The following GNAO1 variants were observed in gnomAD, a reference collection of about 807,000 sequenced individuals.
The protein encoded by GNAO1 is guanine nucleotide-binding protein G(o) subunit alpha.
For missense variants in GNAO1, 166 were observed against 478.7 expected, an observed-to-expected ratio of 0.35 and a Z score of 6.10; for synonymous variants, 164 against 180.7, an observed-to-expected ratio of 0.91 and a Z score of 0.74.
At chr16:56,282,585 A>G (rs540585796) in intron 3 of GNAO1, among the ~76,000 whole-genome samples, 1 of 152,376 alleles carries the variant, frequency 6.6e-6, no homozygotes, top group African/African-American at 2.4e-5. Flanking sequence ...CAACAAGACA[A>G]AAGACTGCGT....
intron 2 of GNAO1, among the ~76,000 whole-genome samples, chr16:56,256,836 G>T (rs549354298): frequency 6.6e-6 from 1 of 150,840 alleles, no homozygotes; most frequent in African/African-American, 2.4e-5. Context: ...TCTTTGTCTA[G>T]TTGAATCTGA....
At position 56,315,613 on chromosome 16, in the gene GNAO1, G is replaced by A. The variant is rs576008106; in HGVS notation, c.304-13018G>A. On this transcript the variant is annotated intron_variant, in intron 3 of 8. Transcript: ENST00000262493. Reference sequence around the variant, plus strand: ...GGGCACCAAGACAAAGAGGCACCACGTAAGGCTGTCCCAGAGGGGCAGTGG... The same window carrying A: ...GGGCACCAAGACAAAGAGGCACCACATAAGGCTGTCCCAGAGGGGCAGTGG... Among the ~76,000 whole-genome samples the A allele has an allele frequency of 2.6e-3, 398 of 152,274 alleles. 1 individual carries two copies. The highest frequency in any genetic ancestry group is 4.4e-3 in the Non-Finnish European group (300 of 68,032).
At chr16:56,321,285 A>C (rs563914959) in intron 3 of GNAO1, among the ~76,000 whole-genome samples, 1 of 152,368 alleles carries the variant, frequency 6.6e-6, no homozygotes, top group African/African-American at 2.4e-5. Context: ...GATTGACTCA[A>C]GTAACTAGAA....
chr16:56,216,914 T>C (rs1435732618), intron 2 of GNAO1, among the ~76,000 whole-genome samples: 1 of 152,228 alleles, frequency 6.6e-6, no homozygotes, highest in Non-Finnish European at 1.5e-5. Context: ...GGAATAATGA[T>C]AGCACTTACC....
Position 56,323,093 on chromosome 16 carries a change from C to T in GNAO1, c.304-5538C>T, listed in dbSNP as rs373002006. On this transcript the variant is annotated intron_variant, in intron 3 of 8. Coordinates refer to ENST00000262493, the MANE Select transcript of GNAO1 (RefSeq NM_020988.3). ...ATTTGAGATAGGGTGGGACTGAGAC[C>T]AGAGTGATCTGGACAGATGGAGCAC... 2.9e-4 allele frequency among the ~76,000 whole-genome samples: 44 copies of T among 152,158 alleles called. No individual in the cohort carries two copies. The East Asian group carries it at 7.2e-3, about 25-fold the overall frequency.
chr16:56,295,960 C>T (rs1395323226), intron 3 of GNAO1, among the ~76,000 whole-genome samples: 3 of 152,254 alleles, frequency 2.0e-5, no homozygotes, highest in Non-Finnish European at 4.4e-5. Context: ...TAATTCTCTT[C>T]CCGTACCTTC....
At chr16:56,336,627 C>T in intron 5 of GNAO1, 104 bp from the exon 6 acceptor site, 2 of 1,052,804 alleles carry the variant, frequency 1.9e-6, no homozygotes, top group Non-Finnish European at 2.7e-6. Context: ...AGGCTCTGAG[C>T]ACCATGGCCC....
chr16:56,289,690 G>T (rs534641835), intron 3 of GNAO1, among the ~76,000 whole-genome samples: 1 of 152,152 alleles, frequency 6.6e-6, no homozygotes, highest in African/African-American at 2.4e-5. Flanking sequence ...GGCTTGAGGA[G>T]GGGGTACGGA....
chr16:56,295,794 G>A (rs1002439666), intron 3 of GNAO1, among the ~76,000 whole-genome samples: 2 of 152,204 alleles, frequency 1.3e-5, no homozygotes, highest in African/African-American at 4.8e-5. Flanking sequence ...CCTGTTTGCC[G>A]CTGACACTGT....
intron 2 of GNAO1, among the ~76,000 whole-genome samples, chr16:56,217,225 C>G (rs2036444263): frequency 6.6e-6 from 1 of 152,220 alleles, no homozygotes; most frequent in South Asian, 2.1e-4. Context: ...TTCTTGCCTT[C>G]AGAGTTTTGC....
At chr16:56,329,717 C>CT (rs2037670393) in intron 4 of GNAO1, among the ~76,000 whole-genome samples, 1 of 152,214 alleles carries the variant, frequency 6.6e-6, no homozygotes, top group Non-Finnish European at 1.5e-5. Context: ...AGCCCTTGAG[C>CT]TTTATCCCAC....
intron 6 of GNAO1, chr16:56,344,448 C>G (rs2037842208): frequency 1.0e-6 from 1 of 1,000,322 alleles, no homozygotes; most frequent in South Asian, 4.4e-5. Context: ...ATCAGGCCAA[C>G]TTGGTGTGGG....
intron 2 of GNAO1, among the ~76,000 whole-genome samples, chr16:56,253,859 T>G (rs2036821780): frequency 6.6e-6 from 1 of 152,204 alleles, no homozygotes; most frequent in African/African-American, 2.4e-5. Context: ...CAACTCTTCC[T>G]GGGATTGAGC....
At chr16:56,352,643 A>G (rs1377918751) in intron 7 of GNAO1, 1 of 152,382 alleles carries the variant, frequency 6.6e-6, no homozygotes, top group African/African-American at 2.4e-5. Context: ...TACATCCAGC[A>G]TAGGTCGATG....
chr16:56,277,903 CTCCTATACTGATT>C (rs1485796262), intron 3 of GNAO1, among the ~76,000 whole-genome samples: 17 of 151,984 alleles, frequency 1.1e-4, no homozygotes, highest in Admixed American at 6.6e-5. Context: ...TCCTAAAAAT[CTCCTATACTGATT>C]ATAACCCAGC....
At chr16:56,222,916 G>A (rs745791667) in intron 2 of GNAO1, among the ~76,000 whole-genome samples, 11 of 152,128 alleles carry the variant, frequency 7.2e-5, no homozygotes, top group Non-Finnish European at 1.3e-4. Context: ...TGCACCCTGC[G>A]AGATGAGCTT....
Position 56,311,850 on chromosome 16 carries a change from G to A in GNAO1, c.304-16781G>A, listed in dbSNP as rs904021887. ...ATGGGTGCCACTCTGCCTCACCTGT[G>A]TTTTAGTTGACAGGAGTATTTGTCA... On this transcript the variant is annotated intron_variant, in intron 3 of 8. Coordinates refer to ENST00000262493, the MANE Select transcript of GNAO1 (RefSeq NM_020988.3). The surrounding 1 kb of genome is among the most constrained non-coding windows in gnomAD (Gnocchi z 5.2). Among the ~76,000 whole-genome samples the A allele has an allele frequency of 1.3e-5, 2 of 152,166 alleles. No homozygotes were observed. Among genetic ancestry groups the A allele is most frequent in the African/African-American group, 4.8e-5 (2 of 41,432 alleles).
intron 2 of GNAO1, among the ~76,000 whole-genome samples, chr16:56,260,291 T>C (rs927517779): frequency 2.6e-5 from 4 of 152,190 alleles, no homozygotes; most frequent in African/African-American, 9.6e-5. Context: ...TTTTTGTCTC[T>C]ACCTGAAATC....
rs2037249745 is a variant in GNAO1, at chr16:56,293,230, G to T, written c.303+17158G>T. 1.3e-5 allele frequency among the ~76,000 whole-genome samples: 2 copies of T among 152,244 alleles called. 1 individual carries two copies. The highest frequency in any genetic ancestry group is 4.1e-4 in the South Asian group (2 of 4,836). On this transcript the variant is annotated intron_variant, in intron 3 of 8. Coordinates refer to ENST00000262493, the MANE Select transcript of GNAO1 (RefSeq NM_020988.3). ...AGCCAGTCTCTGGCATAGTGCTCAGGTGTGAATTTTAGCCAAACTGCTGCC... is the reference window on the plus strand; with the variant it reads ...AGCCAGTCTCTGGCATAGTGCTCAGTTGTGAATTTTAGCCAAACTGCTGCC...
Sources: allele counts gnomAD v4.1 joint callset (sites outside exome capture counted in the v4.1 genomes callset), GRCh38; gene constraint gnomAD v4.1.1; non-coding constraint Gnocchi (gnomAD v3.1); transcripts MANE v1.5; gene names NCBI Gene and HGNC (gene_info 2026-07-23, HGNC 2026-07-21).